PRKG1: variants seen among roughly 807,000 people sequenced by gnomAD.
The protein encoded by PRKG1 is cGMP-dependent protein kinase 1.
A neutral mutation model predicts 88.1 loss-of-function variants in PRKG1; 35 were observed. The observed-to-expected ratio is 0.40, with a 90% CI of 0.30 to 0.53. PRKG1 has a LOEUF of 0.53. Among genes scored for constraint, PRKG1 ranks in the 20% least tolerant of loss-of-function variants. The probability of loss-of-function intolerance (pLI) is 0.59; values close to 1 mark genes in which losing one functional copy is unlikely to be tolerated. For missense variants in PRKG1, 540 were observed against 839.8 expected (o/e 0.64, Z 4.41); for synonymous variants, 303 against 292.5 (o/e 1.04, Z -0.37).
chr10:51,796,981 A>T (rs949146136), intron 3 of PRKG1, among the ~76,000 whole-genome samples: 9 of 151,820 alleles, frequency 5.9e-5, no homozygotes. Context: ...TCTTGCAAGC[A>T]TATGTGGGAG....
At chr10:51,064,832 G>A (rs2132788257) in intron 1 of PRKG1, among the ~76,000 whole-genome samples, 1 of 152,064 alleles carries the variant, frequency 6.6e-6, no homozygotes, top group South Asian at 2.1e-4. Context: ...AATTGATTGT[G>A]ATGTTAAGCT....
At chr10:51,890,945 G>T (rs1488581510) in intron 4 of PRKG1, among the ~76,000 whole-genome samples, 1 of 152,180 alleles carries the variant, frequency 6.6e-6, no homozygotes, top group Admixed American at 6.5e-5. Context: ...AATACAGCAA[G>T]ACTCTGTCTA....
rs1236206572 is a variant in PRKG1 at position 51,281,618 on chromosome 10, C to T, written c.478+128288C>T. Among the ~76,000 whole-genome samples the T allele has an allele frequency of 2.0e-5, 3 of 152,206 alleles. No homozygotes were observed. In the East Asian group the frequency reaches 5.8e-4, roughly 29 times the overall value. ...GGCCTGCCTTCCTCTGTAGACTCCA[C>T]CTCTGGGGGCGGGGCATAGCCAAAC... On this transcript the variant is annotated intron_variant, in intron 2 of 17. Coordinates refer to ENST00000373980, the MANE Select transcript of PRKG1 (RefSeq NM_006258.4).
intron 2 of PRKG1, among the ~76,000 whole-genome samples, chr10:51,160,802 T>C (rs924870275): frequency 6.6e-6 from 1 of 152,126 alleles, no homozygotes; most frequent in Non-Finnish European, 1.5e-5. Flanking sequence ...TACATGTATG[T>C]ATCAGTCTTC....
chr10:51,472,942 A>ACAAATT (rs1840087652), intron 3 of PRKG1, among the ~76,000 whole-genome samples: 1 of 151,984 alleles, frequency 6.6e-6, no homozygotes. Flanking sequence ...GGGAGAAGAC[A>ACAAATT]CAAATTAAGT....
At chr10:51,124,116 G>A (rs1042549237) in intron 1 of PRKG1, among the ~76,000 whole-genome samples, 15 of 151,996 alleles carry the variant, frequency 9.9e-5, no homozygotes, top group Non-Finnish European at 1.2e-4. Context: ...CTTTTCATCC[G>A]CATTCCTCAG....
At chr10:51,937,135 C>G (rs183890957) in intron 5 of PRKG1, among the ~76,000 whole-genome samples, 188 of 152,012 alleles carry the variant, frequency 1.2e-3, no homozygotes, top group African/African-American at 4.2e-3. Flanking sequence ...ACTCTCAGTA[C>G]CAGACCTAAT....
intron 9 of PRKG1, among the ~76,000 whole-genome samples, chr10:52,214,412 C>T (rs1840059427): frequency 6.6e-6 from 1 of 152,116 alleles, no homozygotes; most frequent in Non-Finnish European, 1.5e-5. Context: ...TGATATCACA[C>T]ATACAGTGAC....
intron 2 of PRKG1, among the ~76,000 whole-genome samples, chr10:51,261,765 A>G (rs1032668013): frequency 4.0e-5 from 6 of 151,886 alleles, no homozygotes; most frequent in Non-Finnish European, 2.9e-5. Context: ...GAAGTATGTG[A>G]CTGAAGGTGG....
At chr10:51,044,479 G>T (rs1045629934) in intron 1 of PRKG1, among the ~76,000 whole-genome samples, 6 of 152,044 alleles carry the variant, frequency 3.9e-5, no homozygotes, top group Non-Finnish European at 7.4e-5. Context: ...CCTCTCTTTT[G>T]GTCGCTATCC....
At chr10:52,278,015 A>T (rs1171358066) in intron 12 of PRKG1, among the ~76,000 whole-genome samples, 1 of 152,214 alleles carries the variant, frequency 6.6e-6, no homozygotes, top group African/African-American at 2.4e-5. Context: ...GATGTAAATG[A>T]GTAAACAGGC....
chr10:52,170,074 G>T (rs1235642786), intron 9 of PRKG1, among the ~76,000 whole-genome samples: 1 of 152,040 alleles, frequency 6.6e-6, no homozygotes, highest in Non-Finnish European at 1.5e-5. Context: ...TCTCTCTAAA[G>T]AACCTATAAA....
At chr10:51,163,766 C>A (rs921056391) in intron 2 of PRKG1, among the ~76,000 whole-genome samples, 5 of 152,228 alleles carry the variant, frequency 3.3e-5, no homozygotes, top group Non-Finnish European at 5.9e-5. Context: ...CTGGGAGGGT[C>A]CTACGCCCAC....
At position 51,268,228 on chromosome 10, in the gene PRKG1, G is replaced by A. The variant is rs1446133749; in HGVS notation, c.478+114898G>A. Among the ~76,000 whole-genome samples, 6 of 152,260 alleles carry A rather than the reference G, an allele frequency of 3.9e-5. No individual in the cohort carries two copies. The South Asian group carries it at 1.0e-3, about 26-fold the overall frequency. On this transcript the variant is annotated intron_variant, in intron 2 of 17. Transcript: ENST00000373980. ...GAGATCACAGGACCACAGGACCAGG[G>A]CGAAATTAAAATTGCTAATGAAGTT... is the stretch of plus-strand genomic sequence containing the variant.
chr10:51,213,032 A>G (rs1838269498), intron 2 of PRKG1, among the ~76,000 whole-genome samples: 1 of 152,202 alleles, frequency 6.6e-6, no homozygotes, highest in African/African-American at 2.4e-5. Flanking sequence ...TTATTGCGGC[A>G]CTATTCACAA....
intron 7 of PRKG1, among the ~76,000 whole-genome samples, chr10:52,075,875 T>C (rs1846615200): frequency 6.6e-6 from 1 of 152,134 alleles, no homozygotes; most frequent in Admixed American, 6.5e-5. Flanking sequence ...ACTAATTCCA[T>C]CATGAGGGCC....
At chr10:52,103,524 T>G (rs1457393437) in intron 7 of PRKG1, among the ~76,000 whole-genome samples, 2 of 152,140 alleles carry the variant, frequency 1.3e-5, no homozygotes, top group African/African-American at 4.8e-5. Flanking sequence ...TTAACAGCAT[T>G]TTTTCTCTAG....
chr10:52,055,529 T>C (rs1335958836), intron 6 of PRKG1, among the ~76,000 whole-genome samples: 6 of 152,156 alleles, frequency 3.9e-5, no homozygotes, highest in South Asian at 2.1e-4. Context: ...AATTGGAAAA[T>C]AGAATTTCTT....
chr10:51,994,220 T>TA (rs1844380467), intron 5 of PRKG1, among the ~76,000 whole-genome samples: 1 of 152,136 alleles, frequency 6.6e-6, no homozygotes, highest in Admixed American at 6.6e-5. Context: ...TAAGGCTTGG[T>TA]TACAGAGTAT....
Sources: gnomAD v4.1 joint callset for allele counts (sites outside exome capture counted in the v4.1 genomes callset) on GRCh38, gnomAD v4.1.1 for gene constraint, MANE v1.5 for transcripts, NCBI Gene and HGNC (gene_info 2026-07-23, HGNC 2026-07-21) for gene names.